The following CSMD3 variants were observed in gnomAD, a reference collection of about 807,000 sequenced individuals.
CSMD3 encodes the protein CUB and sushi domain-containing protein 3.
In CSMD3, 177 loss-of-function variants were observed where a neutral mutation model predicts 435.2. The ratio of observed to expected loss-of-function variants is 0.41; its 90% CI spans 0.36 to 0.46. The LOEUF is 0.46. Among genes scored for constraint, CSMD3 ranks in the 20% least tolerant of loss-of-function variants. The pLI, the probability that CSMD3 is intolerant of heterozygous loss-of-function variation, is 0.34. For missense variants in CSMD3, 4,265 were observed against 4,504.6 expected, an observed-to-expected ratio of 0.95 and a Z score of 1.52; for synonymous variants, 1,656 against 1,520.5, an observed-to-expected ratio of 1.09 and a Z score of -2.07.
intron 47 of CSMD3, among the ~76,000 whole-genome samples, 173 bp downstream of exon 47, chr8:112,318,664 G>C: frequency 6.6e-6 from 1 of 151,976 alleles, no homozygotes; most frequent in East Asian, 1.9e-4. Context: ...AGTTAAATCT[G>C]ATAAACAGTG....
intron 5 of CSMD3, among the ~76,000 whole-genome samples, chr8:113,021,123 G>C (rs1422325420): frequency 6.6e-6 from 1 of 151,986 alleles, no homozygotes; most frequent in Non-Finnish European, 1.5e-5. Flanking sequence ...TTTCCGTAAT[G>C]TTTCCCTATA....
rs186613796 is a variant in CSMD3, at chr8:113,378,424, T to C, written c.178+58253A>G. ...TCTAGTTGAGGAGGTAAATATTATATAAGTAAACATTTTAATTATATATTG... is the reference window on the plus strand; with the variant it reads ...TCTAGTTGAGGAGGTAAATATTATACAAGTAAACATTTTAATTATATATTG... On this transcript the variant is annotated intron_variant, in intron 1 of 70. Transcript: ENST00000297405. Among the ~76,000 whole-genome samples the C allele has an allele frequency of 3.3e-5, 5 of 152,250 alleles. No individual in the cohort carries two copies. In the East Asian group the frequency reaches 7.7e-4, roughly 23 times the overall value.
At chr8:112,334,477 T>C (rs1209610686) in intron 45 of CSMD3, among the ~76,000 whole-genome samples, 1 of 152,208 alleles carries the variant, frequency 6.6e-6, no homozygotes, top group Non-Finnish European at 1.5e-5. Flanking sequence ...GCCTCACATT[T>C]TCATATAATT....
At chr8:112,371,610 A>T (rs2131181916) in intron 38 of CSMD3, among the ~76,000 whole-genome samples, 1 of 152,154 alleles carries the variant, frequency 6.6e-6, no homozygotes, top group Middle Eastern at 3.4e-3. Flanking sequence ...ATGACAAAGG[A>T]TGGGCACAGT....
At chr8:112,737,070 A>T (rs887742329) in intron 13 of CSMD3, among the ~76,000 whole-genome samples, 5 of 151,988 alleles carry the variant, frequency 3.3e-5, no homozygotes, top group African/African-American at 1.2e-4. Context: ...GAGAGAAAGA[A>T]ATCTGAGAGA....
intron 4 of CSMD3, among the ~76,000 whole-genome samples, chr8:113,108,155 G>T (rs998184175): frequency 1.3e-5 from 2 of 151,962 alleles, no homozygotes; most frequent in African/African-American, 4.8e-5. Flanking sequence ...TGAGGCTGGG[G>T]ATGGTGGCTC....
chr8:112,600,230 T>A (rs1031239831), intron 22 of CSMD3, among the ~76,000 whole-genome samples: 1 of 152,102 alleles, frequency 6.6e-6, no homozygotes, highest in Non-Finnish European at 1.5e-5. Flanking sequence ...ATATATATAA[T>A]AAAAAATGCT....
At chr8:112,769,824 T>G (rs2078067871) in intron 13 of CSMD3, among the ~76,000 whole-genome samples, 1 of 151,928 alleles carries the variant, frequency 6.6e-6, no homozygotes, top group Non-Finnish European at 1.5e-5. Flanking sequence ...TTATTTAAGT[T>G]GAAAAAATTA....
intron 5 of CSMD3, among the ~76,000 whole-genome samples, chr8:113,029,925 CAA>C (rs1207144151): frequency 1.3e-5 from 2 of 151,486 alleles, no homozygotes; most frequent in Non-Finnish European, 3.0e-5. Context: ...AAAAATTCAG[CAA>C]AGTTTCCGCA....
At chr8:112,671,023 T>A (rs773802979) in intron 16 of CSMD3, among the ~76,000 whole-genome samples, 42 of 152,272 alleles carry the variant, frequency 2.8e-4, no homozygotes, top group Non-Finnish European at 4.9e-4. Context: ...AGGGCTGAGA[T>A]GAATTATTTG....
intron 27 of CSMD3, among the ~76,000 whole-genome samples, chr8:112,526,093 C>A (rs1230333434): frequency 2.0e-5 from 3 of 150,878 alleles, no homozygotes; most frequent in Admixed American, 1.3e-4. Flanking sequence ...GTTATTGTTT[C>A]AATTTCAGTT....
intron 61 of CSMD3, among the ~76,000 whole-genome samples, chr8:112,256,512 C>A (rs1246664608): frequency 6.6e-6 from 1 of 152,116 alleles, no homozygotes; most frequent in East Asian, 1.9e-4. Context: ...TCTGCTGGGG[C>A]ATGGCTAGCT....
At chr8:112,294,122 T>C (rs1358206640) in intron 54 of CSMD3, among the ~76,000 whole-genome samples, 1 of 152,102 alleles carries the variant, frequency 6.6e-6, no homozygotes. Flanking sequence ...TGATTTTCAT[T>C]GTCAGCTAGA....
intron 66 of CSMD3, among the ~76,000 whole-genome samples, chr8:112,238,880 T>C (rs1486072087): frequency 2.0e-5 from 3 of 152,008 alleles, no homozygotes; most frequent in Non-Finnish European, 4.4e-5. Context: ...TCCAGATTGG[T>C]TCTGATGGGT....
At chr8:113,222,611 T>C (rs1460008072) in intron 3 of CSMD3, among the ~76,000 whole-genome samples, 1 of 151,178 alleles carries the variant, frequency 6.6e-6, no homozygotes, top group East Asian at 1.9e-4. Context: ...GGTTATCTTA[T>C]ATGCTTGAGT....
rs754524101 is a variant in CSMD3, at chr8:112,682,652, C to G, written c.2483-16G>C. 4.5e-6 allele frequency: 7 copies of G among 1,553,912 alleles called. No individual in the cohort carries two copies. In the Admixed American group the frequency reaches 1.2e-4, roughly 26 times the overall value. ...TGTCCAAATGCTTTAGAATAATATG[C>G]AAAGAAAAATACACAAACAAACAAC... On this transcript the variant is annotated splice_polypyrimidine_tract_variant and intron_variant, in intron 15 of 70. Coordinates refer to ENST00000297405, the MANE Select transcript of CSMD3 (RefSeq NM_198123.2).
At chr8:112,782,227 A>G (rs199722293) in intron 13 of CSMD3, among the ~76,000 whole-genome samples, 1 of 150,462 alleles carries the variant, frequency 6.6e-6, no homozygotes, top group Non-Finnish European at 1.5e-5. Context: ...ATAAAAAAAA[A>G]TTAACACATA....
intron 3 of CSMD3, among the ~76,000 whole-genome samples, chr8:113,204,713 C>T (rs1018197316): frequency 6.6e-6 from 1 of 152,086 alleles, no homozygotes; most frequent in East Asian, 1.9e-4. Context: ...TTTTACTATA[C>T]ATTTTCTATG....
At chr8:113,253,673 A>G (rs1588378451) in intron 3 of CSMD3, among the ~76,000 whole-genome samples, 1 of 151,516 alleles carries the variant, frequency 6.6e-6, no homozygotes. Flanking sequence ...AACCCCGTCT[A>G]TACTAAAAAC....
Sources: gnomAD v4.1 joint callset for allele counts (sites outside exome capture counted in the v4.1 genomes callset) on GRCh38, gnomAD v4.1.1 for gene constraint, MANE v1.5 for transcripts, NCBI Gene and HGNC (gene_info 2026-07-23, HGNC 2026-07-21) for gene names.